The following NDRG3 variants were observed in gnomAD, a reference collection of about 807,000 sequenced individuals.
The protein encoded by NDRG3 is NDRG family member 3, also known as protein NDRG3.
Under a neutral mutation model 57.2 loss-of-function variants are expected in NDRG3, and 23 were observed. The observed-to-expected ratio is 0.40, with a 90% CI of 0.29 to 0.57. NDRG3 has a LOEUF of 0.57. NDRG3 is among the 20% of genes least tolerant of loss of function. The pLI is 0.42. For synonymous variants in NDRG3, 132 were observed against 162.6 expected, an observed-to-expected ratio of 0.81 and a Z score of 1.43; for missense variants, 384 against 457.3, an observed-to-expected ratio of 0.84 and a Z score of 1.46.
At chr20:36,666,097 T>C (rs1448521667) in intron 10 of NDRG3, among the ~76,000 whole-genome samples, 192 bp downstream of exon 10, 1 of 152,154 alleles carries the variant, frequency 6.6e-6, no homozygotes, top group African/African-American at 2.4e-5. Flanking sequence ...TTACTGGCTG[T>C]ATAATTTTGG....
At chr20:36,661,982 T>C (rs1226170143) in intron 12 of NDRG3, among the ~76,000 whole-genome samples, 8 of 152,180 alleles carry the variant, frequency 5.3e-5, no homozygotes, top group Admixed American at 5.2e-4. Flanking sequence ...CAAACAAATG[T>C]ACCCGTTCAC....
At chr20:36,712,207 C>T (rs1983927492) in intron 2 of NDRG3, among the ~76,000 whole-genome samples, 1 of 151,582 alleles carries the variant, frequency 6.6e-6, no homozygotes, top group Non-Finnish European at 1.5e-5. Context: ...GTCTATTTGA[C>T]AGTAACTGGC....
At chr20:36,663,840 T>C (rs1979401278) in intron 12 of NDRG3, among the ~76,000 whole-genome samples, 1 of 152,150 alleles carries the variant, frequency 6.6e-6, no homozygotes, top group South Asian at 2.1e-4. Flanking sequence ...ACAGAGTCTT[T>C]CTCTGTCTTG....
In NDRG3 at chr20:36,653,575, G is replaced by A; in HGVS notation, c.1073C>T (p.Ser358Phe). The change falls in exon 16 of 16, where the codon TCC becomes TTC. Residue 358 changes from serine (S) to phenylalanine (F), a missense_variant. Physicochemically the swap from Ser to Phe is radical, Grantham distance 155. Transcript: ENST00000349004. This position sits in a 1 kb window ranked among gnomAD's most constrained non-coding sequence, Gnocchi z 4.2. ...TSNQSDGTQESCESPDVLDRH... is the reference protein window; with the variant it reads ...TSNQSDGTQEFCESPDVLDRH... ...GTCCAGGACATCAGGGGACTCACAG[G>A]ATTCTTGAGTTCCATCTGACTGATT... The A allele has an allele frequency of 1.3e-5, 21 of 1,614,180 alleles. No homozygotes were observed. Among genetic ancestry groups the A allele is most frequent in the Non-Finnish European group, 1.7e-5 (20 of 1,180,014 alleles).
intron 1 of NDRG3, among the ~76,000 whole-genome samples, chr20:36,724,915 C>G (rs961813950): frequency 6.6e-6 from 1 of 151,504 alleles, no homozygotes; most frequent in Non-Finnish European, 1.5e-5. Flanking sequence ...GGCAACAGAA[C>G]AAGACTCTGT....
chr20:36,707,187 C>A (rs1983596063), intron 2 of NDRG3, among the ~76,000 whole-genome samples, 180 bp from the exon 3 acceptor site: 1 of 152,138 alleles, frequency 6.6e-6, no homozygotes, highest in Non-Finnish European at 1.5e-5. Flanking sequence ...TTAATAAAGG[C>A]CAAATCTTCA....
intron 1 of NDRG3, among the ~76,000 whole-genome samples, chr20:36,737,339 G>A (rs1600977262): frequency 2.0e-5 from 3 of 152,118 alleles, no homozygotes; most frequent in African/African-American, 7.2e-5. Flanking sequence ...CCTGGGGTGT[G>A]CTCTTAGATG....
At chr20:36,656,734 A>G (rs1372228634) in intron 13 of NDRG3, among the ~76,000 whole-genome samples, 1 of 152,244 alleles carries the variant, frequency 6.6e-6, no homozygotes, top group Non-Finnish European at 1.5e-5. Flanking sequence ...TTATTTATCA[A>G]TAAGACTGAA....
In NDRG3 at chr20:36,711,116, T is replaced by TAAA. The variant is rs577163182; in HGVS notation, c.58-4112_58-4110dup. Among the ~76,000 whole-genome samples, 96 of 113,658 alleles carry TAAA rather than the reference T, an allele frequency of 8.4e-4. No homozygotes were observed. The East Asian group carries it at 0.021, about 24-fold the overall frequency. The allele number at this position is 113,658 out of a possible 152,430, so 74.6% of individuals were successfully genotyped here. A position where few individuals can be genotyped will look rare whatever the true frequency, so the allele number is the denominator to read the frequency against. On this transcript the variant is annotated intron_variant, in intron 2 of 15. Transcript: ENST00000349004. ...TAACACGGTGAAACCCCATCTCTAC[T>TAAA]AAAAAAAAAAAAAAAAATAGCCGGG...
Position 36,674,360 on chromosome 20 carries a change from A to C in NDRG3, c.532-2963T>G, listed in dbSNP as rs372425888. On this transcript the variant is annotated intron_variant, in intron 8 of 15. Transcript: ENST00000349004. ...TGGGATTACAGGCGTGTGCCACCAC[A>C]CCTGGCTAATTTTTGTATTTTTAGT... 1.1e-4 allele frequency among the ~76,000 whole-genome samples: 17 copies of C among 150,978 alleles called. No homozygotes were observed. In the East Asian group the frequency reaches 3.2e-3, roughly 29 times the overall value.
intron 1 of NDRG3, among the ~76,000 whole-genome samples, chr20:36,732,838 G>A (rs1303703753): frequency 6.6e-6 from 1 of 152,162 alleles, no homozygotes; most frequent in East Asian, 1.9e-4. Context: ...AGCTCACTGA[G>A]ATTTCAAGCA....
At chr20:36,672,770 A>T (rs1980285937) in intron 8 of NDRG3, among the ~76,000 whole-genome samples, 1 of 151,896 alleles carries the variant, frequency 6.6e-6, no homozygotes, top group Non-Finnish European at 1.5e-5. Flanking sequence ...TGGAGGTTGC[A>T]GTGAGCCGAG....
At chr20:36,745,821 G>C (rs938534125) in intron 1 of NDRG3, among the ~76,000 whole-genome samples, 3 of 151,978 alleles carry the variant, frequency 2.0e-5, no homozygotes, top group Non-Finnish European at 4.4e-5. Context: ...GTCGCCGGCG[G>C]GCTGGGCGCG....
chr20:36,660,239 A>G (rs1979048426), intron 13 of NDRG3, 98 bp downstream of exon 13: 3 of 960,888 alleles, frequency 3.1e-6, no homozygotes, highest in Non-Finnish European at 4.8e-6. Context: ...ATAACCAAAG[A>G]GAGGGAAGCT....
intron 8 of NDRG3, among the ~76,000 whole-genome samples, chr20:36,672,059 A>G (rs529975536): frequency 6.6e-6 from 1 of 152,294 alleles, no homozygotes; most frequent in East Asian, 1.9e-4. Context: ...ATGGCTGATA[A>G]GGACTAACTT....
At chr20:36,679,723 T>G (rs1170030311) in intron 8 of NDRG3, among the ~76,000 whole-genome samples, 1 of 151,586 alleles carries the variant, frequency 6.6e-6, no homozygotes, top group Non-Finnish European at 1.5e-5. Context: ...AGGCTGGTCT[T>G]GAACTCCTGA....
intron 1 of NDRG3, among the ~76,000 whole-genome samples, chr20:36,732,861 G>A (rs1985361737): frequency 1.3e-5 from 2 of 151,918 alleles, no homozygotes; most frequent in South Asian, 4.2e-4. Context: ...TAAAAACATT[G>A]CTTTGGCGAG....
intron 3 of NDRG3, among the ~76,000 whole-genome samples, chr20:36,695,651 C>T (rs990690603): frequency 6.6e-6 from 1 of 152,310 alleles, no homozygotes. Flanking sequence ...TCCAGCCTGG[C>T]AAATTCTAGT....
chr20:36,675,978 C>T (rs1980659321), intron 8 of NDRG3, among the ~76,000 whole-genome samples: 1 of 152,116 alleles, frequency 6.6e-6, no homozygotes. Context: ...CGGTGGCTCA[C>T]GCCTGTAATC....
Sources: allele counts gnomAD v4.1 joint callset (sites outside exome capture counted in the v4.1 genomes callset), GRCh38; gene constraint gnomAD v4.1.1; non-coding constraint Gnocchi (gnomAD v3.1); transcripts MANE v1.5; gene names NCBI Gene and HGNC (gene_info 2026-07-23, HGNC 2026-07-21).